The following SHLD1 variants were observed in gnomAD, a reference collection of about 807,000 sequenced individuals.
The protein encoded by SHLD1 is RINN1-REV7-interacting novel NHEJ regulator 3.
In SHLD1, 3 loss-of-function variants were observed where a neutral mutation model predicts 5.5. The observed-to-expected ratio is 0.54, with a 90% CI of 0.25 to 1.40. The LOEUF (loss-of-function observed/expected upper bound fraction) is 1.40. SHLD1 is among the 40% of genes most tolerant of loss of function. The pLI is 0.15. For synonymous variants in SHLD1, 92 were observed against 94.3 expected, an observed-to-expected ratio of 0.98 and a Z score of 0.14; for missense variants, 210 against 244.4, an observed-to-expected ratio of 0.86 and a Z score of 0.94.
intron 2 of SHLD1, among the ~76,000 whole-genome samples, chr20:5,802,948 A>G (rs1373627768): frequency 6.6e-6 from 1 of 152,196 alleles, no homozygotes; most frequent in Non-Finnish European, 1.5e-5. Flanking sequence ...CAGGACCAAG[A>G]CAAAGTGTTA....
chr20:5,777,816 A>G (rs1985500695), intron 2 of SHLD1, among the ~76,000 whole-genome samples: 1 of 152,182 alleles, frequency 6.6e-6, no homozygotes, highest in African/African-American at 2.4e-5. Flanking sequence ...GAGACAAGGA[A>G]CTGCTGCAAA....
intron 2 of SHLD1, among the ~76,000 whole-genome samples, chr20:5,775,928 T>TTTTTTTTTTTTTG: frequency 8.9e-6 from 1 of 112,070 alleles, no homozygotes; most frequent in African/African-American, 4.3e-5. Context: ...TCAGGATTTT[T>TTTTTTTTTTTTTG]TTTTTTTTTT....
At chr20:5,829,115 A>G (rs562691513) in intron 2 of SHLD1, among the ~76,000 whole-genome samples, 5 of 152,018 alleles carry the variant, frequency 3.3e-5, no homozygotes, top group Non-Finnish European at 7.4e-5. Context: ...GGCTCAATCT[A>G]TCTGCCCGCC....
intron 2 of SHLD1, among the ~76,000 whole-genome samples, chr20:5,826,786 A>T (rs1281500281): frequency 6.6e-6 from 1 of 152,192 alleles, no homozygotes; most frequent in Non-Finnish European, 1.5e-5. Context: ...ACGATGCCTC[A>T]TACAGAATCT....
At chr20:5,854,798 C>A (rs1044852238) in intron 2 of SHLD1, among the ~76,000 whole-genome samples, 2 of 151,472 alleles carry the variant, frequency 1.3e-5, no homozygotes, top group Non-Finnish European at 2.9e-5. Flanking sequence ...CCATTAAACA[C>A]TAAATCTGCA....
At chr20:5,807,446 C>T (rs997183149) in intron 2 of SHLD1, among the ~76,000 whole-genome samples, 1 of 151,640 alleles carries the variant, frequency 6.6e-6, no homozygotes, top group Non-Finnish European at 1.5e-5. Flanking sequence ...TCATATCTCA[C>T]TGCAGCCTTG....
At chr20:5,790,315 G>A (rs934197049) in intron 2 of SHLD1, among the ~76,000 whole-genome samples, 2 of 152,178 alleles carry the variant, frequency 1.3e-5, no homozygotes, top group African/African-American at 4.8e-5. Context: ...GGCAGCACTA[G>A]CAGGAGCCTG....
intron 2 of SHLD1, among the ~76,000 whole-genome samples, chr20:5,814,445 C>A (rs970672450): frequency 1.3e-5 from 2 of 151,980 alleles, no homozygotes; most frequent in African/African-American, 4.8e-5. Context: ...TTAGGAATAT[C>A]TGTATATTTT....
At chr20:5,802,867 C>T (rs1275670799) in intron 2 of SHLD1, among the ~76,000 whole-genome samples, 3 of 152,158 alleles carry the variant, frequency 2.0e-5, no homozygotes, top group Admixed American at 6.5e-5. Context: ...CTGGCGTGAG[C>T]CACTGTGCCC....
chr20:5,775,749 T>C (rs1985392286), intron 2 of SHLD1, among the ~76,000 whole-genome samples: 1 of 151,904 alleles, frequency 6.6e-6, no homozygotes, highest in African/African-American at 2.4e-5. Flanking sequence ...TCTGTACCTG[T>C]CTCCTTATTT....
At chr20:5,778,034 C>G (rs1295751194) in intron 2 of SHLD1, among the ~76,000 whole-genome samples, 1 of 151,408 alleles carries the variant, frequency 6.6e-6, no homozygotes, top group Non-Finnish European at 1.5e-5. Flanking sequence ...TAAAAAGGAC[C>G]AGGGCTGTGA....
intron 1 of SHLD1, among the ~76,000 whole-genome samples, chr20:5,760,441 C>G (rs1468669513): frequency 6.6e-6 from 1 of 151,964 alleles, no homozygotes; most frequent in Admixed American, 6.6e-5. Flanking sequence ...ACCTGTAATC[C>G]CAACACTTTG....
chr20:5,851,853 A>C (rs1405560202), intron 2 of SHLD1, among the ~76,000 whole-genome samples: 1 of 151,872 alleles, frequency 6.6e-6, no homozygotes, highest in Admixed American at 6.6e-5. Context: ...ATTTTAATTT[A>C]ATTAAAATTA....
intron 2 of SHLD1, among the ~76,000 whole-genome samples, chr20:5,777,353 G>A (rs1419156999): frequency 6.6e-6 from 1 of 152,064 alleles, no homozygotes; most frequent in African/African-American, 2.4e-5. Context: ...CATTTAATAA[G>A]TGAGGAAACA....
chr20:5,863,473 G>A lies in SHLD1; in HGVS notation c.*10G>A. ...AATGAAAGACCTGTAACTGGTGCCGGGCAGTGTGCAGGGTAGTAATGGAGG... is the reference window on the plus strand; with the variant it reads ...AATGAAAGACCTGTAACTGGTGCCGAGCAGTGTGCAGGGTAGTAATGGAGG... On this transcript the variant is annotated 3_prime_UTR_variant, in exon 3 of 3. Coordinates refer to ENST00000303142, the MANE Select transcript of SHLD1 (RefSeq NM_152504.4). 1.3e-6 allele frequency: 2 copies of A among 1,584,386 alleles called. No homozygotes were observed. Among genetic ancestry groups the A allele is most frequent in the African/African-American group, 1.3e-5 (1 of 74,616 alleles).
intron 2 of SHLD1, among the ~76,000 whole-genome samples, chr20:5,813,774 G>A (rs1468604675): frequency 6.6e-6 from 1 of 151,930 alleles, no homozygotes; most frequent in Non-Finnish European, 1.5e-5. Flanking sequence ...ACCTTTCTGT[G>A]GAAGAGGAGA....
At chr20:5,811,931 G>A (rs1276064789) in intron 2 of SHLD1, among the ~76,000 whole-genome samples, 5 of 151,916 alleles carry the variant, frequency 3.3e-5, no homozygotes, top group African/African-American at 4.8e-5. Context: ...AACCCAAGGC[G>A]AGTTACTTTC....
intron 2 of SHLD1, among the ~76,000 whole-genome samples, chr20:5,815,722 C>T (rs1028983920): frequency 1.2e-4 from 18 of 152,176 alleles, no homozygotes; most frequent in African/African-American, 4.1e-4. Flanking sequence ...AGTATTATCC[C>T]ACTTTATTGG....
intron 2 of SHLD1, among the ~76,000 whole-genome samples, chr20:5,808,665 A>G (rs188951454): frequency 1.3e-5 from 2 of 152,362 alleles, no homozygotes; most frequent in East Asian, 3.9e-4. Flanking sequence ...ACTCATAAAC[A>G]ATCTTGCAGG....
Sources: allele counts gnomAD v4.1 joint callset (sites outside exome capture counted in the v4.1 genomes callset), GRCh38; gene constraint gnomAD v4.1.1; transcripts MANE v1.5; gene names NCBI Gene and HGNC (gene_info 2026-07-23, HGNC 2026-07-21).